Variants in PTN observed in about 807,000 individuals in gnomAD.
PTN encodes heparin affin regulatory protein.
Under a neutral mutation model 24.1 loss-of-function variants are expected in PTN, and 18 were observed. That is an observed-to-expected ratio of 0.75 (90% CI 0.52 to 1.11). PTN has a LOEUF of 1.11. Ranked by LOEUF, PTN falls within the 50% of genes least tolerant of loss-of-function variation. PTN has a pLI of 0.00. For missense variants in PTN, 163 were observed against 198.8 expected (o/e 0.82, Z 1.08); for synonymous variants, 78 against 68.6 (o/e 1.14, Z -0.67).
chr7:137,280,110 T>C (rs1352569794), intron 1 of PTN, among the ~76,000 whole-genome samples: 1 of 152,196 alleles, frequency 6.6e-6, no homozygotes, highest in East Asian at 1.9e-4. Context: ...CTATGAGCTA[T>C]ACTAAGGAAA....
In PTN at chr7:137,250,004, AT is replaced by A. The variant is rs542342721; in HGVS notation, c.451+1225del. On this transcript the variant is annotated intron_variant, in intron 4 of 4. Coordinates refer to ENST00000348225, the MANE Select transcript of PTN (RefSeq NM_002825.7). The stretch of plus-strand genomic sequence containing the variant: ...AGCCAATCTCCATCACCTTCTGCAG[AT>A]TTTTTTTTTCTACTTTTATTTATTA... 3.7e-4 allele frequency among the ~76,000 whole-genome samples: 56 copies of A among 150,686 alleles called. No individual in the cohort carries two copies. In the East Asian group the frequency reaches 5.3e-3, roughly 14 times the overall value.
intron 1 of PTN, among the ~76,000 whole-genome samples, chr7:137,331,415 C>A (rs1810356148): frequency 6.6e-6 from 1 of 152,140 alleles, no homozygotes; most frequent in African/African-American, 2.4e-5. Context: ...TCACTTCAGG[C>A]CAAAGTTGGT....
intron 1 of PTN, among the ~76,000 whole-genome samples, chr7:137,266,660 G>GT (rs943324228): frequency 5.3e-3 from 673 of 127,896 alleles, no homozygotes; most frequent in South Asian, 0.013. Flanking sequence ...TAACCATTCT[G>GT]TTTTTTTTTT....
At chr7:137,265,058 T>A (rs2128873291) in intron 1 of PTN, among the ~76,000 whole-genome samples, 1 of 152,156 alleles carries the variant, frequency 6.6e-6, no homozygotes, top group Middle Eastern at 3.4e-3. Context: ...CCTGAGTTTT[T>A]CTTTTAACTC....
In PTN at chr7:137,254,888, G is replaced by A. The variant is rs1256215266; in HGVS notation, c.86C>T (p.Thr29Ile). The change falls in exon 2 of 5, where the codon ACT (threonine) becomes ATT (isoleucine). Residue 29 changes from threonine to isoleucine, a missense_variant. Thr to Ile is a moderately conservative substitution (Grantham distance 89). Transcript: ENST00000348225. ...AFIFILAAVD[T>I]AEAGKKEKPE... ...TTTCTCTTTCTTCCCTGCTTCAGCA[G>A]TATCCACAGCTGCCAGTATGAAAAT... 4 of 1,577,740 alleles carry A rather than the reference G, an allele frequency of 2.5e-6. No individual in the cohort carries two copies. The East Asian group carries it at 9.0e-5, about 36-fold the overall frequency.
intron 2 of PTN, among the ~76,000 whole-genome samples, chr7:137,254,529 A>G (rs867911025): frequency 1.5e-5 from 2 of 132,876 alleles, no homozygotes; most frequent in South Asian, 4.6e-4. Flanking sequence ...GAGAAAAACA[A>G]GTTGCAGTGC....
At position 137,330,246 on chromosome 7, in the gene PTN, A is replaced by C. The variant is rs1585047585; in HGVS notation, c.-2+13193T>G. On this transcript the variant is annotated intron_variant, in intron 1 of 4. Coordinates refer to ENST00000348225, the MANE Select transcript of PTN (RefSeq NM_002825.7). ...GGTTGCAGTGAGCTGAAATCGTGCC[A>C]CTGCACTCCAGCCTGGGCAACACAG... is the stretch of plus-strand genomic sequence containing the variant. 2.0e-5 allele frequency among the ~76,000 whole-genome samples: 3 copies of C among 152,190 alleles called. No individual in the cohort carries two copies. The South Asian group carries it at 6.2e-4, about 32-fold the overall frequency.
chr7:137,258,375 TC>T (rs1463954683), intron 1 of PTN, among the ~76,000 whole-genome samples: 1 of 152,136 alleles, frequency 6.6e-6, no homozygotes, highest in Non-Finnish European at 1.5e-5. Context: ...ACTTAAATCT[TC>T]TATGAAATAA....
chr7:137,268,135 G>C (rs78086971), intron 1 of PTN, among the ~76,000 whole-genome samples: 16,776 of 152,070 alleles, frequency 0.11, 1,159 homozygotes, highest in East Asian at 0.23. Context: ...CCGGTGTTCA[G>C]CCACTGCGTT....
chr7:137,342,304 C>A (rs1241794997), intron 1 of PTN, among the ~76,000 whole-genome samples: 1 of 152,086 alleles, frequency 6.6e-6, no homozygotes, highest in Non-Finnish European at 1.5e-5. Flanking sequence ...CACGCACATG[C>A]ACACGCACAC....
chr7:137,323,924 C>T lies in PTN; in HGVS notation c.-2+19515G>A, dbSNP rs529239007. On this transcript the variant is annotated intron_variant, in intron 1 of 4. Transcript: ENST00000348225. ...GGGAGAGAGAAGAGAATCCACAGATCGTAATCTAGGAAAATCATAGACACT... is the reference window on the plus strand; with the variant it reads ...GGGAGAGAGAAGAGAATCCACAGATTGTAATCTAGGAAAATCATAGACACT... 3.3e-5 allele frequency among the ~76,000 whole-genome samples: 5 copies of T among 152,144 alleles called. No individual in the cohort carries two copies. The East Asian group carries it at 5.8e-4, about 18-fold the overall frequency.
intron 4 of PTN, among the ~76,000 whole-genome samples, chr7:137,231,730 T>C (rs1808430144): frequency 6.6e-6 from 1 of 151,794 alleles, no homozygotes; most frequent in Non-Finnish European, 1.5e-5. Flanking sequence ...AAGTAAGGAG[T>C]GTAAATCCAA....
At chr7:137,336,444 A>T (rs1810450031) in intron 1 of PTN, among the ~76,000 whole-genome samples, 1 of 152,048 alleles carries the variant, frequency 6.6e-6, no homozygotes, top group African/African-American at 2.4e-5. Flanking sequence ...TGTCTCTTGG[A>T]TTGGGAGTCT....
intron 1 of PTN, among the ~76,000 whole-genome samples, chr7:137,298,816 C>A (rs746353479): frequency 2.0e-5 from 3 of 151,826 alleles, no homozygotes; most frequent in African/African-American, 7.3e-5. Flanking sequence ...ATTCAACTTG[C>A]GAGCAAAGAA....
intron 4 of PTN, among the ~76,000 whole-genome samples, chr7:137,242,434 C>T (rs1808646954): frequency 6.6e-6 from 1 of 151,992 alleles, no homozygotes; most frequent in Non-Finnish European, 1.5e-5. Flanking sequence ...ACATTCATTC[C>T]CTGACTCACC....
intron 1 of PTN, among the ~76,000 whole-genome samples, chr7:137,342,379 G>T (rs551949227): frequency 2.6e-5 from 4 of 152,094 alleles, no homozygotes; most frequent in Non-Finnish European, 4.4e-5. Flanking sequence ...AATGAGAGAT[G>T]CTCAAGGACC....
Position 137,227,940 on chromosome 7 carries a change from A to C in PTN, c.*80T>G. ...TAGCTATAGATAATTTTTGAATACA[A>C]AGCCTACGGTACATATAAATGCAAT... On this transcript the variant is annotated 3_prime_UTR_variant, in exon 5 of 5. Transcript: ENST00000348225. The C allele has an allele frequency of 2.0e-6, 3 of 1,525,692 alleles. No individual in the cohort carries two copies. In the Admixed American group the frequency reaches 6.9e-5, roughly 35 times the overall value. 94.5% of individuals were successfully genotyped at this position (1,525,692 alleles called of 1,614,324 possible).
At chr7:137,234,044 CTT>C (rs1376201879) in intron 4 of PTN, among the ~76,000 whole-genome samples, 1 of 151,434 alleles carries the variant, frequency 6.6e-6, no homozygotes, top group Non-Finnish European at 1.5e-5. Context: ...AGAAACAACA[CTT>C]TTAACGAGTT....
At chr7:137,294,180 G>A (rs1466334986) in intron 1 of PTN, among the ~76,000 whole-genome samples, 1 of 152,040 alleles carries the variant, frequency 6.6e-6, no homozygotes, top group East Asian at 1.9e-4. Flanking sequence ...TATTATTGTT[G>A]TTGTTATTTT....
Sources: allele counts gnomAD v4.1 joint callset (sites outside exome capture counted in the v4.1 genomes callset), GRCh38; gene constraint gnomAD v4.1.1; transcripts MANE v1.5; gene names NCBI Gene and HGNC (gene_info 2026-07-23, HGNC 2026-07-21).